Variants in VEZT observed in about 807,000 individuals in gnomAD.
The protein encoded by VEZT is vezatin.
VEZT carries 39 observed loss-of-function variants against 79.9 expected under a neutral mutation model. The observed-to-expected ratio is 0.49, with a 90% CI of 0.38 to 0.64. VEZT has a LOEUF of 0.64. Ranked by LOEUF, VEZT falls within the 30% of genes least tolerant of loss-of-function variation. VEZT has a pLI of 0.00. For synonymous variants in VEZT, 325 were observed against 327.6 expected (o/e 0.99, Z 0.09); for missense variants, 837 against 893.1 (o/e 0.94, Z 0.80).
intron 3 of VEZT, among the ~76,000 whole-genome samples, chr12:95,261,192 C>T (rs1309196662): frequency 6.6e-6 from 1 of 152,082 alleles, no homozygotes; most frequent in Non-Finnish European, 1.5e-5. Flanking sequence ...ATATGGTTCA[C>T]CTCATTCTTA....
At chr12:95,261,434 C>T (rs910882201) in intron 3 of VEZT, among the ~76,000 whole-genome samples, 10 of 151,742 alleles carry the variant, frequency 6.6e-5, no homozygotes, top group African/African-American at 1.7e-4. Flanking sequence ...TTTTTTGAGA[C>T]GGAATCTTGC....
intron 2 of VEZT, 83 bp downstream of exon 2, chr12:95,252,154 A>G: frequency 1.4e-6 from 2 of 1,426,180 alleles, no homozygotes; most frequent in Non-Finnish European, 1.9e-6. Flanking sequence ...AAGCACTTCC[A>G]TATCCTCCCT....
chr12:95,273,216 G>A (rs910280833), intron 6 of VEZT, among the ~76,000 whole-genome samples: 1 of 152,072 alleles, frequency 6.6e-6, no homozygotes, highest in Non-Finnish European at 1.5e-5. Flanking sequence ...GTGCTCTAAT[G>A]TGGATCTCCA....
intron 1 of VEZT, among the ~76,000 whole-genome samples, chr12:95,226,567 C>T (rs1482805650): frequency 6.6e-6 from 1 of 152,118 alleles, no homozygotes; most frequent in Non-Finnish European, 1.5e-5. Context: ...CATCCCTTCC[C>T]TTAAAACAAA....
intron 1 of VEZT, among the ~76,000 whole-genome samples, chr12:95,229,865 G>A (rs1001681891): frequency 7.2e-5 from 11 of 152,072 alleles, no homozygotes; most frequent in Non-Finnish European, 1.5e-4. Context: ...TGAGGCAGGC[G>A]GATCGCCTGG....
At chr12:95,285,085 C>CAAA (rs1165581329) in intron 8 of VEZT, among the ~76,000 whole-genome samples, 20 of 44,606 alleles carry the variant, frequency 4.5e-4, no homozygotes, top group African/African-American at 5.3e-4. Flanking sequence ...GACTCTGTCT[C>CAAA]AAAAAAAAAA....
chr12:95,230,552 C>T (rs992545891), intron 1 of VEZT, among the ~76,000 whole-genome samples: 16 of 148,858 alleles, frequency 1.1e-4, no homozygotes, highest in Non-Finnish European at 2.1e-4. Flanking sequence ...CCTGTGTGAG[C>T]CATTGTGTCC....
Position 95,300,240 on chromosome 12 carries a change from T to C in VEZT, c.1907T>C (p.Met636Thr), listed in dbSNP as rs1477185110. ...TCAGAACCATCAATGAATTCAGATA[T>C]GGGAAAAGTCAGTAAAAATGATACT... The part of the protein sequence containing the change: ...SNSEPSMNSD[M>T]GKVSKNDTEE... Residue 636 changes from methionine (M) to threonine (T), a missense_variant, in exon 12 of 12, where the codon ATG (methionine) becomes ACG (threonine). By Grantham distance (81) the Met-to-Thr change is moderately conservative. Transcript: ENST00000436874. 1.3e-6 allele frequency: 2 copies of C among 1,571,184 alleles called. No individual in the cohort carries two copies. Among genetic ancestry groups the C allele is most frequent in the Non-Finnish European group, 1.7e-6 (2 of 1,157,648 alleles).
rs756242315 is a variant in VEZT, at chr12:95,282,661, T to C, written c.1328+17T>C. The stretch of plus-strand genomic sequence containing the variant: ...ACTGAATGAGTAAGTTTAGAAATTA[T>C]ACCAAGAAAGGTCTCGGTAATTAGC... On this transcript the variant is annotated intron_variant, in intron 8 of 11. Transcript: ENST00000436874. 3.2e-6 allele frequency: 5 copies of C among 1,566,236 alleles called. No individual in the cohort carries two copies. The East Asian group carries it at 1.1e-4, about 35-fold the overall frequency.
intron 8 of VEZT, among the ~76,000 whole-genome samples, chr12:95,287,205 TATC>T (rs1481738649): frequency 6.6e-6 from 1 of 152,158 alleles, no homozygotes; most frequent in Non-Finnish European, 1.5e-5. Flanking sequence ...TAACAAAAAT[TATC>T]ATTTAATCAT....
chr12:95,225,761 CAAAAAAAAAAAAAAAAAAAAAA>C lies in VEZT; in HGVS notation c.36+7886_36+7907del, dbSNP rs531470163. On this transcript the variant is annotated intron_variant, in intron 1 of 11. Coordinates refer to ENST00000436874, the MANE Select transcript of VEZT (RefSeq NM_017599.4). ...TTGCCTCCACAGCTTTGTTTCATAG[CAAAAAAAAAAAAAAAAAAAAAA>C]AAAAAAAAAAGAGAGAGAAGGATGG... Among the ~76,000 whole-genome samples, 9 of 40,870 alleles carry C rather than the reference CAAAAAAAAAAAAAAAAAAAAAA, an allele frequency of 2.2e-4. No homozygotes were observed. The South Asian group carries it at 5.7e-3, about 26-fold the overall frequency. 26.8% of individuals were successfully genotyped at this position (40,870 alleles called of 152,430 possible).
At chr12:95,241,118 G>A (rs950462194) in intron 1 of VEZT, among the ~76,000 whole-genome samples, 17 of 152,020 alleles carry the variant, frequency 1.1e-4, no homozygotes, top group South Asian at 2.1e-4. Context: ...TGCAGCCTCC[G>A]CCTCCCGGGT....
At position 95,296,145 on chromosome 12, in the gene VEZT, A is replaced by C; in HGVS notation, c.1718A>C (p.Lys573Thr). 1.3e-6 allele frequency: 2 copies of C among 1,570,636 alleles called. No individual in the cohort carries two copies. The highest frequency in any genetic ancestry group is 1.7e-6 in the Non-Finnish European group (2 of 1,156,612). Reference protein sequence around the residue: ...YLSQEDKERQKREHEESKRVL... With the variant: ...YLSQEDKERQTREHEESKRVL... ...TCTCAAGAAGACAAAGAGAGACAGA[A>C]GCGTGAGCATGAAGAATCCAAGAGG... is the stretch of plus-strand genomic sequence containing the variant. Residue 573 changes from lysine (K) to threonine (T), a missense_variant, in exon 11 of 12, where the codon AAG becomes ACG. Physicochemically the swap from Lys to Thr is moderately conservative, Grantham distance 78 (BLOSUM62 -1). Coordinates refer to ENST00000436874, the MANE Select transcript of VEZT (RefSeq NM_017599.4).
At position 95,263,213 on chromosome 12, in the gene VEZT, A is replaced by G. The variant is rs1360927685; in HGVS notation, c.434+132A>G. The G allele has an allele frequency of 1.1e-5, 10 of 882,760 alleles. No individual in the cohort carries two copies. The Admixed American group carries it at 2.5e-4, about 22-fold the overall frequency. 54.7% of individuals were successfully genotyped at this position (882,760 alleles called of 1,614,324 possible). A position where few individuals can be genotyped will look rare whatever the true frequency, so the allele number is the denominator to read the frequency against. On this transcript the variant is annotated intron_variant, in intron 4 of 11. Transcript: ENST00000436874. ...TTAGCAGTACAATTAAAGTAACAAT[A>G]TGGGGGGAAAAAGTGCCTTTCTAAA...
Position 95,252,326 on chromosome 12 carries a change from C to A in VEZT, c.168+255C>A, listed in dbSNP as rs2062736055. On this transcript the variant is annotated intron_variant, in intron 2 of 11. Transcript: ENST00000436874. ...TTACTTATTTAAATATTGATGCTAT[C>A]CAAACAGAATCGAAAAAAATATACT... is the stretch of plus-strand genomic sequence containing the variant. 1.4e-5 allele frequency: 4 copies of A among 280,880 alleles called. No individual in the cohort carries two copies. In the Admixed American group the frequency reaches 2.1e-4, roughly 15 times the overall value. 17.4% of individuals were successfully genotyped at this position (280,880 alleles called of 1,614,324 possible).
intron 8 of VEZT, among the ~76,000 whole-genome samples, chr12:95,285,173 A>G (rs542102463): frequency 6.6e-6 from 1 of 152,152 alleles, no homozygotes; most frequent in South Asian, 2.1e-4. Context: ...GCCAGGCGCA[A>G]TGGCTAACAC....
At chr12:95,286,717 C>A in intron 8 of VEZT, 1 of 397,936 alleles carries the variant, frequency 2.5e-6, no homozygotes. Context: ...CTTTCCCATT[C>A]CCTGCGTGTC....
Position 95,302,022 on chromosome 12 carries a change from C to T in VEZT, c.*1349C>T, listed in dbSNP as rs564268417. On this transcript the variant is annotated 3_prime_UTR_variant, in exon 12 of 12. Coordinates refer to ENST00000436874, the MANE Select transcript of VEZT (RefSeq NM_017599.4). ...AATCCTGGAACTCATCTATAATTAA[C>T]CTCTTCGGAGCAATACCTTAGGTTG... 1 of 152,226 alleles carries T rather than the reference C, an allele frequency of 6.6e-6. No homozygotes were observed. The highest frequency in any genetic ancestry group is 2.1e-4 in the South Asian group (1 of 4,824). 9.4% of individuals were successfully genotyped at this position (152,226 alleles called of 1,614,324 possible).
chr12:95,235,919 C>T (rs1409778236), intron 1 of VEZT, among the ~76,000 whole-genome samples: 7 of 151,736 alleles, frequency 4.6e-5, no homozygotes, highest in African/African-American at 1.7e-4. Flanking sequence ...GGCAGAGACG[C>T]TCCTCACTTC....
Sources: allele counts gnomAD v4.1 joint callset (sites outside exome capture counted in the v4.1 genomes callset), GRCh38; gene constraint gnomAD v4.1.1; transcripts MANE v1.5; gene names NCBI Gene and HGNC (gene_info 2026-07-23, HGNC 2026-07-21).